Variants in CADM2 observed in about 807,000 individuals in gnomAD.
The protein encoded by CADM2 is cell adhesion molecule 2.
In CADM2, 12 loss-of-function variants were observed where a neutral mutation model predicts 49.8. The ratio of observed to expected loss-of-function variants is 0.24; its 90% CI spans 0.15 to 0.39. The LOEUF (loss-of-function observed/expected upper bound fraction) is 0.39, where lower values mean the gene tolerates loss of function less well. CADM2 is among the 10% of genes least tolerant of loss of function. CADM2 has a pLI of 1.00. For synonymous variants in CADM2, 214 were observed against 175.4 expected (o/e 1.22, Z -1.74); for missense variants, 378 against 492.3 (o/e 0.77, Z 2.20).
intron 2 of CADM2, among the ~76,000 whole-genome samples, chr3:85,797,421 A>G (rs975944421): frequency 6.6e-6 from 1 of 151,862 alleles, no homozygotes; most frequent in Non-Finnish European, 1.5e-5. Flanking sequence ...CACTACCCCA[A>G]CAGGCCCTGG....
chr3:85,395,460 A>T (rs1034223340), intron 1 of CADM2, among the ~76,000 whole-genome samples: 1 of 152,168 alleles, frequency 6.6e-6, no homozygotes. Flanking sequence ...AAAAAAATTT[A>T]TTGAAACTCA....
chr3:85,877,699 T>G (rs1712115270), intron 3 of CADM2, among the ~76,000 whole-genome samples: 3 of 149,628 alleles, frequency 2.0e-5, no homozygotes, highest in African/African-American at 7.4e-5. Context: ...TTTTTTTTTT[T>G]TTTTGGTTTT....
chr3:85,308,271 TTTTA>T (rs962486922), intron 1 of CADM2, among the ~76,000 whole-genome samples: 3 of 150,704 alleles, frequency 2.0e-5, no homozygotes, highest in Non-Finnish European at 4.4e-5. Flanking sequence ...TCAAGTTTTT[TTTTA>T]TTTATTTAAA....
intron 1 of CADM2, among the ~76,000 whole-genome samples, chr3:85,096,720 T>C (rs1253985019): frequency 2.0e-5 from 3 of 152,118 alleles, no homozygotes; most frequent in Non-Finnish European, 4.4e-5. Flanking sequence ...TGGGTTGATA[T>C]AGATCTCTAA....
At chr3:85,459,359 G>A (rs796371640) in intron 1 of CADM2, among the ~76,000 whole-genome samples, 5 of 152,120 alleles carry the variant, frequency 3.3e-5, no homozygotes, top group African/African-American at 1.2e-4. Flanking sequence ...ATTTCCCCAG[G>A]TGTGGGTATT....
chr3:85,383,728 G>T (rs937614602), intron 1 of CADM2, among the ~76,000 whole-genome samples: 4 of 149,284 alleles, frequency 2.7e-5, no homozygotes, highest in African/African-American at 9.8e-5. Context: ...AACTTTTTAT[G>T]ATTTTAAATT....
intron 6 of CADM2, among the ~76,000 whole-genome samples, chr3:85,913,432 G>A (rs76249098): frequency 0.043 from 6,493 of 152,222 alleles, 478 homozygotes; most frequent in African/African-American, 0.15. Context: ...ATTATAGCTT[G>A]AGCTTAGAAA....
At chr3:85,755,673 C>T (rs2069082562) in intron 2 of CADM2, among the ~76,000 whole-genome samples, 1 of 152,056 alleles carries the variant, frequency 6.6e-6, no homozygotes, top group Non-Finnish European at 1.5e-5. Context: ...GCATATTTTA[C>T]AGGGCTGGAG....
chr3:85,338,491 A>G lies in CADM2; in HGVS notation c.61+378823A>G, dbSNP rs564321180. 2.0e-5 allele frequency among the ~76,000 whole-genome samples: 3 copies of G among 151,672 alleles called. No individual in the cohort carries two copies. The East Asian group carries it at 5.8e-4, about 29-fold the overall frequency. On this transcript the variant is annotated intron_variant, in intron 1 of 9. Transcript: ENST00000383699. ...TAATATAGTAATAAAAATAATTACC[A>G]TTATCACCATCATTATAGCAAATTA...
At chr3:85,845,054 T>C (rs1577458489) in intron 3 of CADM2, among the ~76,000 whole-genome samples, 2 of 147,992 alleles carry the variant, frequency 1.4e-5, no homozygotes, top group Admixed American at 6.8e-5. Flanking sequence ...ACTTGGGAGG[T>C]TAATACAAGG....
chr3:85,892,739 C>A (rs560126358), intron 5 of CADM2, among the ~76,000 whole-genome samples: 1 of 152,106 alleles, frequency 6.6e-6, no homozygotes, highest in African/African-American at 2.4e-5. Context: ...CAGACTAATA[C>A]ACTAATGAGA....
At chr3:85,137,294 G>T (rs1575956220) in intron 1 of CADM2, among the ~76,000 whole-genome samples, 1 of 151,784 alleles carries the variant, frequency 6.6e-6, no homozygotes, top group East Asian at 1.9e-4. Flanking sequence ...ATAAGACTTT[G>T]TGTCTTTTTA....
intron 1 of CADM2, among the ~76,000 whole-genome samples, chr3:85,252,349 A>G (rs960534402): frequency 6.6e-6 from 1 of 151,974 alleles, no homozygotes; most frequent in Non-Finnish European, 1.5e-5. Flanking sequence ...TTTTGCAACA[A>G]TAAGAAAAAA....
At chr3:85,997,529 C>A (rs1271594097) in intron 8 of CADM2, among the ~76,000 whole-genome samples, 5 of 152,042 alleles carry the variant, frequency 3.3e-5, no homozygotes, top group Non-Finnish European at 1.5e-5. Flanking sequence ...TATTATAAGA[C>A]AATGTCAAAT....
chr3:85,024,975 A>G (rs1293950566), intron 1 of CADM2, among the ~76,000 whole-genome samples: 1 of 152,062 alleles, frequency 6.6e-6, no homozygotes, highest in Non-Finnish European at 1.5e-5. Flanking sequence ...TTTCTGTTTC[A>G]TTAAATATAA....
At chr3:85,265,443 T>C (rs917503177) in intron 1 of CADM2, among the ~76,000 whole-genome samples, 1 of 151,936 alleles carries the variant, frequency 6.6e-6, no homozygotes, top group Non-Finnish European at 1.5e-5. Flanking sequence ...AGGGCCATCT[T>C]GTTGTGTTAT....
intron 1 of CADM2, among the ~76,000 whole-genome samples, chr3:85,297,289 T>C (rs1452123): frequency 0.1 from 15,918 of 152,072 alleles, 976 homozygotes; most frequent in African/African-American, 0.17. Context: ...GATATAATTA[T>C]ACTATTCACA....
intron 1 of CADM2, among the ~76,000 whole-genome samples, chr3:85,353,168 A>T (rs900250783): frequency 2.0e-5 from 3 of 152,130 alleles, no homozygotes; most frequent in African/African-American, 7.2e-5. Context: ...GAGAAAAGGA[A>T]TATGTCATTG....
chr3:85,261,015 GA>G (rs2043003496), intron 1 of CADM2, among the ~76,000 whole-genome samples: 1 of 152,044 alleles, frequency 6.6e-6, no homozygotes. Flanking sequence ...TTTTGATGAA[GA>G]AAAATATGTG....
Sources: gnomAD v4.1 joint callset for allele counts (sites outside exome capture counted in the v4.1 genomes callset) on GRCh38, gnomAD v4.1.1 for gene constraint, MANE v1.5 for transcripts, NCBI Gene and HGNC (gene_info 2026-07-23, HGNC 2026-07-21) for gene names.